TTYH3: variants seen among roughly 807,000 people sequenced by gnomAD.
TTYH3 encodes tweety family member 3.
In TTYH3, 23 loss-of-function variants were observed where a neutral mutation model predicts 68.2. That is an observed-to-expected ratio of 0.34 (90% CI 0.24 to 0.48). The LOEUF (loss-of-function observed/expected upper bound fraction) is 0.48. Among genes scored for constraint, TTYH3 ranks in the 20% least tolerant of loss-of-function variants. The pLI is 0.99. For missense variants in TTYH3, 768 were observed against 727.7 expected (o/e 1.06, Z -0.64); for synonymous variants, 360 against 332.8 (o/e 1.08, Z -0.89).
intron 13 of TTYH3, among the ~76,000 whole-genome samples, chr7:2,659,494 T>G (rs1220222348): frequency 6.6e-6 from 1 of 152,198 alleles, no homozygotes; most frequent in East Asian, 1.9e-4. Flanking sequence ...CCTCCTTTTC[T>G]TTTTCTTCCT....
chr7:2,648,174 G>GC, intron 5 of TTYH3, 120 bp downstream of exon 5: 1 of 939,896 alleles, frequency 1.1e-6, no homozygotes, highest in Non-Finnish European at 1.6e-6. Context: ...GGTGGGGGCT[G>GC]AGCGGGACCC....
Position 2,658,371 on chromosome 7 carries a change from C to T in TTYH3, c.1336C>T (p.Leu446=), listed in dbSNP as rs769568877. Residue 446 remains leucine, a synonymous_variant, in exon 12 of 14, where the codon CTG becomes TTG. Transcript: ENST00000258796. ...CCTCTACCGCGTCCACATGCCCAGC[C>T]TGTACAGCTGTGGCAGCAGCTACGG... ...DSLYRVHMPS[L]YSCGSSYGSE... is the part of the protein sequence containing the mutation. 7.4e-6 allele frequency: 12 copies of T among 1,611,932 alleles called. No individual in the cohort carries two copies. Among genetic ancestry groups the T allele is most frequent in the Non-Finnish European group, 5.1e-6 (6 of 1,179,638 alleles).
In TTYH3 at chr7:2,663,185, C is replaced by T. The variant is rs1203124720; in HGVS notation, c.*1446C>T. ...TCGAGGCTCGATGCCTGTGCCAAGG[C>T]CAGGGGCAGCCAGAGGGCAGCTGGA... On this transcript the variant is annotated 3_prime_UTR_variant, in exon 14 of 14. Transcript: ENST00000258796. 1 of 152,490 alleles carries T rather than the reference C, an allele frequency of 6.6e-6. No homozygotes were observed. The highest frequency in any genetic ancestry group is 1.5e-5 in the Non-Finnish European group (1 of 68,102). 9.4% of individuals were successfully genotyped at this position (152,490 alleles called of 1,614,324 possible). A position where few individuals can be genotyped will look rare whatever the true frequency, so the allele number is the denominator to read the frequency against.
intron 5 of TTYH3, among the ~76,000 whole-genome samples, chr7:2,649,165 G>A (rs1786089793): frequency 6.6e-6 from 1 of 152,128 alleles, no homozygotes; most frequent in East Asian, 1.9e-4. Context: ...CCCAGTTGCT[G>A]AGCGAGGGTT....
chr7:2,655,555 T>C (rs545063956), intron 9 of TTYH3, among the ~76,000 whole-genome samples: 2 of 152,384 alleles, frequency 1.3e-5, no homozygotes, highest in South Asian at 4.1e-4. Context: ...GCAGTGTTTC[T>C]GTGCAGCCGT....
At chr7:2,637,764 G>T (rs1785718889) in intron 1 of TTYH3, among the ~76,000 whole-genome samples, 1 of 152,128 alleles carries the variant, frequency 6.6e-6, no homozygotes, top group Non-Finnish European at 1.5e-5. Context: ...ACCCGGGCCT[G>T]CCGCTATGTT....
In TTYH3 at chr7:2,647,163, C is replaced by T. The variant is rs773637764; in HGVS notation, c.315C>T (p.Phe105=). 10 of 1,606,004 alleles carry T rather than the reference C, an allele frequency of 6.2e-6. No individual in the cohort carries two copies. In the East Asian group the frequency reaches 1.8e-4, roughly 29 times the overall value. ...LVCSAGIAVG[F]YGNGETSDGI... is the part of the protein sequence containing the mutation. ...CCAGCGCCGGCATCGCAGTGGGATT[C>T]TACGGCAACGGGGAGACCAGTGATG... The change falls in exon 3 of 14, where the codon TTC becomes TTT. Residue 105 remains phenylalanine, a synonymous_variant. Coordinates refer to ENST00000258796, the MANE Select transcript of TTYH3 (RefSeq NM_025250.3).
At chr7:2,636,307 T>C (rs761297894) in intron 1 of TTYH3, among the ~76,000 whole-genome samples, 2 of 152,180 alleles carry the variant, frequency 1.3e-5, no homozygotes, top group Non-Finnish European at 2.9e-5. Flanking sequence ...TGTCTTGTCA[T>C]TTACGAAAGC....
chr7:2,653,053 C>T (rs1285728496), intron 9 of TTYH3, 43 bp downstream of exon 9: 3 of 1,513,764 alleles, frequency 2.0e-6, no homozygotes, highest in Non-Finnish European at 2.7e-6. Context: ...CAGGGCTCCT[C>T]TTTTCTCAGC....
At chr7:2,652,682 T>C (rs1786218930) in intron 8 of TTYH3, 1 of 581,432 alleles carries the variant, frequency 1.7e-6, no homozygotes, top group Non-Finnish European at 3.1e-6. Flanking sequence ...CGTGTGACTG[T>C]GCTTTGCTTG....
intron 13 of TTYH3, chr7:2,660,216 C>G (rs1786457969): frequency 2.0e-6 from 2 of 985,344 alleles, no homozygotes; most frequent in South Asian, 9.4e-5. Context: ...AATGCCGGCT[C>G]TGGGCCCGCC....
At chr7:2,646,722 G>T (rs1200594806) in intron 1 of TTYH3, 131 bp from the exon 2 acceptor site, 33 of 1,024,664 alleles carry the variant, frequency 3.2e-5, no homozygotes, top group Non-Finnish European at 4.0e-5. Context: ...TACAAGTCGG[G>T]GATGGGGCCC....
chr7:2,643,012 G>A (rs373498143), intron 1 of TTYH3, among the ~76,000 whole-genome samples: 2 of 150,324 alleles, frequency 1.3e-5, no homozygotes, highest in East Asian at 3.9e-4. Context: ...TCAGTGAGTC[G>A]AGATCACACC....
At position 2,656,107 on chromosome 7, in the gene TTYH3, G is replaced by A. The variant is rs186759263; in HGVS notation, c.1036G>A (p.Val346Ile). The change falls in exon 10 of 14, where the codon GTC becomes ATC. Residue 346 changes from valine to isoleucine, a missense_variant. By Grantham distance (29) the Val-to-Ile change is conservative. Coordinates refer to ENST00000258796, the MANE Select transcript of TTYH3 (RefSeq NM_025250.3). ...QPATKDPLLR[V>I]QEVLNGTEVN... ...TGCCCCCCAGGACCCCCTCCTCCGC[G>A]TCCAGGAGGTGCTGAATGGCACGGA... The A allele has an allele frequency of 1.4e-5, 22 of 1,556,932 alleles. No individual in the cohort carries two copies. Among genetic ancestry groups the A allele is most frequent in the South Asian group, 9.5e-5 (8 of 84,506 alleles).
In TTYH3 at chr7:2,647,159, G is replaced by C; in HGVS notation, c.311G>C (p.Gly104Ala). 6.2e-7 allele frequency: 1 copy of C among 1,605,788 alleles called. No homozygotes were observed. The highest frequency in any genetic ancestry group is 8.5e-7 in the Non-Finnish European group (1 of 1,177,672). The change falls in exon 3 of 14, where the codon GGA (glycine) becomes GCA (alanine). Residue 104 changes from glycine (G) to alanine (A), a missense_variant. By Grantham distance (60) the Gly-to-Ala change is moderately conservative (BLOSUM62 0). Transcript: ENST00000258796. ...TLVCSAGIAV[G>A]FYGNGETSDG... ...CTCTCCAGCGCCGGCATCGCAGTGG[G>C]ATTCTACGGCAACGGGGAGACCAGT... is the stretch of plus-strand genomic sequence containing the variant.
At chr7:2,652,755 G>A (rs1244919282) in intron 8 of TTYH3, 163 bp from the exon 9 acceptor site, 8 of 617,316 alleles carry the variant, frequency 1.3e-5, no homozygotes, top group East Asian at 1.1e-4. Flanking sequence ...GGTGTGTCCC[G>A]GGGGAAGCAA....
chr7:2,652,759 G>C, intron 8 of TTYH3, 159 bp from the exon 9 acceptor site: 2 of 623,824 alleles, frequency 3.2e-6, no homozygotes, highest in Non-Finnish European at 5.6e-6. Context: ...TGTCCCGGGG[G>C]AAGCAAGGGC....
intron 9 of TTYH3, among the ~76,000 whole-genome samples, chr7:2,654,946 CTCT>C (rs1394438682): frequency 6.6e-6 from 1 of 151,750 alleles, no homozygotes; most frequent in Non-Finnish European, 1.5e-5. Context: ...GCTCATTTTC[CTCT>C]TCTTATAAGG....
intron 1 of TTYH3, 65 bp from the exon 2 acceptor site, chr7:2,646,788 G>A (rs149466732): frequency 8.7e-6 from 13 of 1,491,586 alleles, no homozygotes; most frequent in South Asian, 1.2e-5. Flanking sequence ...TCCCCTGCTG[G>A]GGCGGGGCGT....
Sources: gnomAD v4.1 joint callset for allele counts (sites outside exome capture counted in the v4.1 genomes callset) on GRCh38, gnomAD v4.1.1 for gene constraint, MANE v1.5 for transcripts, NCBI Gene and HGNC (gene_info 2026-07-23, HGNC 2026-07-21) for gene names.